Variants in EPS15 observed in about 807,000 individuals in gnomAD.
EPS15 encodes epidermal growth factor receptor substrate 15.
In EPS15, 72 loss-of-function variants were observed where a neutral mutation model predicts 113.8. The observed-to-expected ratio is 0.63, with a 90% CI of 0.52 to 0.77. EPS15 has a LOEUF of 0.77. Among genes scored for constraint, EPS15 ranks in the 30% least tolerant of loss-of-function variants. The probability of loss-of-function intolerance (pLI) is 0.00; values close to 1 mark genes in which losing one functional copy is unlikely to be tolerated. For missense variants in EPS15, 1,048 were observed against 1,045.8 expected (o/e 1.00, Z -0.03); for synonymous variants, 344 against 363.4 (o/e 0.95, Z 0.61).
intron 11 of EPS15, among the ~76,000 whole-genome samples, chr1:51,441,560 T>C (rs1032004553): frequency 1.3e-5 from 2 of 152,132 alleles, no homozygotes; most frequent in African/African-American, 2.4e-5. Flanking sequence ...ACTTATGTTG[T>C]TGTATAGTTA....
At position 51,417,067 on chromosome 1, in the gene EPS15, A is replaced by G. The variant is rs59992064; in HGVS notation, c.1113+4719T>C. Among the ~76,000 whole-genome samples, 1,137 of 152,186 alleles carry G rather than the reference A, an allele frequency of 7.5e-3. 13 individuals carry two copies. Among genetic ancestry groups the G allele is most frequent in the African/African-American group, 0.026 (1,093 of 41,550 alleles). On this transcript the variant is annotated intron_variant, in intron 13 of 24. Transcript: ENST00000371733. ...AAAACCCCATTAACAGACTGCCTTT[A>G]TTTCTCAATCATATGCTTCCCAGTA...
intron 8 of EPS15, among the ~76,000 whole-genome samples, chr1:51,455,289 A>G (rs1322764561): frequency 2.6e-5 from 4 of 151,984 alleles, no homozygotes; most frequent in East Asian, 1.9e-4. Context: ...TTTTCAAATC[A>G]TAACAGAAAA....
intron 18 of EPS15, 110 bp from the exon 19 acceptor site, chr1:51,401,063 C>T: frequency 3.1e-6 from 2 of 638,470 alleles, no homozygotes; most frequent in Middle Eastern, 7.1e-4. Flanking sequence ...ATTTCAATAA[C>T]TTCACTTCAC....
intron 8 of EPS15, among the ~76,000 whole-genome samples, chr1:51,453,848 T>C (rs1157602232): frequency 6.6e-6 from 1 of 151,938 alleles, no homozygotes; most frequent in East Asian, 1.9e-4. Context: ...TTTTAATTCT[T>C]GGCCAAAGCC....
intron 2 of EPS15, among the ~76,000 whole-genome samples, chr1:51,473,661 A>T (rs1317048197): frequency 6.6e-6 from 1 of 152,194 alleles, no homozygotes; most frequent in African/African-American, 2.4e-5. Context: ...CTAAAGTTCC[A>T]TTTGTAAAAA....
At chr1:51,387,551 T>C (rs1256121376) in intron 21 of EPS15, among the ~76,000 whole-genome samples, 6 of 151,992 alleles carry the variant, frequency 3.9e-5, no homozygotes, top group African/African-American at 7.3e-5. Flanking sequence ...CAAGACCCAT[T>C]AGTGTGCTGT....
chr1:51,484,094 G>T (rs935327030), intron 1 of EPS15, among the ~76,000 whole-genome samples: 1 of 151,974 alleles, frequency 6.6e-6, no homozygotes, highest in Admixed American at 6.6e-5. Context: ...CTGGGCAACA[G>T]AGTGAGACCC....
intron 12 of EPS15, among the ~76,000 whole-genome samples, chr1:51,425,893 A>C (rs192212700): frequency 1.3e-3 from 191 of 152,318 alleles, no homozygotes; most frequent in African/African-American, 4.4e-3. Flanking sequence ...TAAATTTGTT[A>C]AAAGGAATTA....
At chr1:51,507,412 C>T (rs900053786) in intron 1 of EPS15, among the ~76,000 whole-genome samples, 4 of 152,114 alleles carry the variant, frequency 2.6e-5, no homozygotes, top group African/African-American at 9.7e-5. Context: ...CCTGTAATCC[C>T]AGCACTTTGG....
chr1:51,444,510 A>G (rs994317546), intron 11 of EPS15, among the ~76,000 whole-genome samples: 2 of 152,226 alleles, frequency 1.3e-5, no homozygotes, highest in Non-Finnish European at 2.9e-5. Context: ...TTCTGTTTTC[A>G]AATCTGTATC....
chr1:51,398,117 G>A (rs1002317158), intron 20 of EPS15, among the ~76,000 whole-genome samples: 6 of 150,998 alleles, frequency 4.0e-5, no homozygotes, highest in South Asian at 2.1e-4. Context: ...GCAGTGGCGC[G>A]ATCTCGGCTC....
rs1646218640 is a variant in EPS15 at position 51,356,401 on chromosome 1, T to C, written c.*299A>G. The C allele has an allele frequency of 6.5e-6, 2 of 308,066 alleles. No individual in the cohort carries two copies. The highest frequency in any genetic ancestry group is 2.2e-5 in the African/African-American group (1 of 46,398). The allele number at this position is 308,066 out of a possible 1,614,324, so 19.1% of individuals were successfully genotyped here. On this transcript the variant is annotated 3_prime_UTR_variant, in exon 25 of 25. Coordinates refer to ENST00000371733, the MANE Select transcript of EPS15 (RefSeq NM_001981.3). ...ATATTCCAGAAGGCAGAAGCTTGGG[T>C]GCTCTAGCTTTACAAGTAAAATAGC...
chr1:51,388,590 A>G (rs577747925), intron 21 of EPS15, among the ~76,000 whole-genome samples: 63 of 152,310 alleles, frequency 4.1e-4, no homozygotes, highest in African/African-American at 1.5e-3. Flanking sequence ...TAAAGAAAAA[A>G]AGAGAGAAGA....
rs1427283068 is a variant in EPS15 at position 51,402,464 on chromosome 1, T to C, written c.1853A>G (p.Asp618Gly). The part of the protein sequence containing the change: ...LTGPVADTNL[D>G]FFQSDPFVGS... ...AACAAAAGGATCAGACTGGAAAAAATCCAAGTTTGTATCTGCAACTGGACC... is the reference window on the plus strand; with the variant it reads ...AACAAAAGGATCAGACTGGAAAAAACCCAAGTTTGTATCTGCAACTGGACC... Residue 618 changes from aspartate to glycine, a missense_variant, in exon 18 of 25, where the codon GAT becomes GGT. Transcript: ENST00000371733. 1 of 1,587,568 alleles carries C rather than the reference T, an allele frequency of 6.3e-7. No individual in the cohort carries two copies. The highest frequency in any genetic ancestry group is 1.2e-5 in the South Asian group (1 of 86,950).
At chr1:51,462,902 C>T (rs981487554) in intron 7 of EPS15, among the ~76,000 whole-genome samples, 1 of 99,598 alleles carries the variant, frequency 1.0e-5, no homozygotes, top group Admixed American at 1.3e-4. Context: ...TTTTCTAAGA[C>T]AGTCTTGCTT....
rs187271082 is a variant in EPS15 at position 51,426,488 on chromosome 1, C to T, written c.1041-4630G>A. Reference sequence around the variant, plus strand: ...CTCCTGTCATACTTAATTTTATGGGCTGATTTGGCTAGGCCACAGTACCCA... The same window carrying T: ...CTCCTGTCATACTTAATTTTATGGGTTGATTTGGCTAGGCCACAGTACCCA... On this transcript the variant is annotated intron_variant, in intron 12 of 24. Transcript: ENST00000371733. 7.4e-3 allele frequency among the ~76,000 whole-genome samples: 1,117 copies of T among 150,446 alleles called. 8 individuals carry two copies. The highest frequency in any genetic ancestry group is 0.014 in the Middle Eastern group (4 of 292).
intron 8 of EPS15, among the ~76,000 whole-genome samples, chr1:51,451,360 G>A (rs1403755955): frequency 5.3e-5 from 8 of 151,078 alleles, no homozygotes; most frequent in African/African-American, 1.5e-4. Context: ...GCGTGGTGGC[G>A]CATGCCTGTA....
intron 12 of EPS15, among the ~76,000 whole-genome samples, chr1:51,432,298 TTATGTATGTATGTATGTATGTATG>T (rs71063032): frequency 8.8e-4 from 128 of 145,996 alleles, no homozygotes; most frequent in Non-Finnish European, 1.5e-3. Context: ...GCCACATAGA[TTATGTATGTATGTATGTATGTATG>T]TATGTATGTA....
intron 11 of EPS15, 55 bp downstream of exon 11, chr1:51,444,834 A>G: frequency 5.4e-6 from 8 of 1,486,522 alleles, no homozygotes; most frequent in Non-Finnish European, 7.4e-6. Flanking sequence ...GTAATTCGAC[A>G]TAGTATTGTT....
Sources: allele counts gnomAD v4.1 joint callset (sites outside exome capture counted in the v4.1 genomes callset), GRCh38; gene constraint gnomAD v4.1.1; transcripts MANE v1.5; gene names NCBI Gene and HGNC (gene_info 2026-07-23, HGNC 2026-07-21).